The following EDIL3 variants were observed in gnomAD, a reference collection of about 807,000 sequenced individuals.
The protein encoded by EDIL3 is EGF like and discoidin domains 3, also known as EGF-like repeat and discoidin I-like domain-containing protein 3.
Under a neutral mutation model 67.4 loss-of-function variants are expected in EDIL3, and 37 were observed. The ratio of observed to expected loss-of-function variants is 0.55; its 90% CI spans 0.42 to 0.72. The LOEUF is 0.72. Among genes scored for constraint, EDIL3 ranks in the 30% least tolerant of loss-of-function variants. EDIL3 has a pLI of 0.00. For missense variants in EDIL3, 527 were observed against 586.3 expected (o/e 0.90, Z 1.04); for synonymous variants, 195 against 196.3 (o/e 0.99, Z 0.05).
chr5:84,147,183 T>C (rs1441872090), intron 4 of EDIL3, among the ~76,000 whole-genome samples: 1 of 152,166 alleles, frequency 6.6e-6, no homozygotes, highest in Non-Finnish European at 1.5e-5. Context: ...AAATTCTGTA[T>C]GTGATCTTCT....
intron 3 of EDIL3, among the ~76,000 whole-genome samples, chr5:84,182,823 T>G (rs1384779663): frequency 6.7e-6 from 1 of 149,828 alleles, no homozygotes; most frequent in Non-Finnish European, 1.5e-5. Flanking sequence ...TTTTTTTTTG[T>G]CAGCACCACA....
chr5:84,011,494 C>T (rs1467415675), intron 9 of EDIL3, among the ~76,000 whole-genome samples: 1 of 152,162 alleles, frequency 6.6e-6, no homozygotes, highest in East Asian at 1.9e-4. Flanking sequence ...TGCTTTCCTA[C>T]AGTCAATTCT....
chr5:84,132,323 T>A (rs1261213185), intron 5 of EDIL3, among the ~76,000 whole-genome samples: 8 of 91,804 alleles, frequency 8.7e-5, no homozygotes, highest in South Asian at 6.0e-4. Flanking sequence ...TATATATATT[T>A]TATATAATAT....
chr5:84,275,792 AGAGG>A (rs1745573349), intron 1 of EDIL3, among the ~76,000 whole-genome samples: 1 of 152,218 alleles, frequency 6.6e-6, no homozygotes, highest in Admixed American at 6.5e-5. Context: ...CTGAGTCCCT[AGAGG>A]GAGGAAGTGG....
chr5:84,125,020 G>C (rs1747842369), intron 5 of EDIL3, among the ~76,000 whole-genome samples: 2 of 151,740 alleles, frequency 1.3e-5, no homozygotes, highest in South Asian at 4.2e-4. Flanking sequence ...AATTTAAATT[G>C]ATCATTCATG....
intron 1 of EDIL3, among the ~76,000 whole-genome samples, chr5:84,376,311 G>A (rs1747967178): frequency 6.6e-6 from 1 of 152,124 alleles, no homozygotes; most frequent in Admixed American, 6.5e-5. Context: ...CTGACATGAT[G>A]GTGGTCCCTA....
chr5:84,051,594 C>T lies in EDIL3; in HGVS notation c.1137+8706G>A, dbSNP rs1008720991. 2.0e-5 allele frequency among the ~76,000 whole-genome samples: 3 copies of T among 152,072 alleles called. No homozygotes were observed. In the East Asian group the frequency reaches 5.8e-4, roughly 29 times the overall value. ...TAAACAAATGGCTAACTAGAATAAC[C>T]AATGCAAAGAAGTCCTTAAAGGACC... On this transcript the variant is annotated intron_variant, in intron 9 of 10. Coordinates refer to ENST00000296591, the MANE Select transcript of EDIL3 (RefSeq NM_005711.5).
intron 3 of EDIL3, among the ~76,000 whole-genome samples, chr5:84,200,355 C>T (rs927198227): frequency 1.3e-5 from 2 of 151,780 alleles, no homozygotes; most frequent in African/African-American, 4.8e-5. Context: ...AGAGTTTAAG[C>T]AATGAAGCAT....
intron 1 of EDIL3, among the ~76,000 whole-genome samples, chr5:84,290,537 AAG>A: frequency 6.6e-6 from 1 of 152,326 alleles, no homozygotes; most frequent in Admixed American, 6.5e-5. Context: ...GCAGGAAAAA[AAG>A]AGTCTGACCT....
chr5:84,110,519 T>A (rs1160521118), intron 5 of EDIL3, among the ~76,000 whole-genome samples: 1 of 152,154 alleles, frequency 6.6e-6, no homozygotes, highest in Non-Finnish European at 1.5e-5. Context: ...AGAAGATATA[T>A]GAAATGATAA....
At chr5:84,030,149 G>T (rs1334173780) in intron 9 of EDIL3, among the ~76,000 whole-genome samples, 1 of 152,154 alleles carries the variant, frequency 6.6e-6, no homozygotes, top group African/African-American at 2.4e-5. Context: ...CAGACAAAAA[G>T]ATAAATGCAG....
chr5:84,196,398 T>C (rs1435719186), intron 3 of EDIL3, among the ~76,000 whole-genome samples: 2 of 152,018 alleles, frequency 1.3e-5, no homozygotes, highest in Non-Finnish European at 2.9e-5. Context: ...TACTTAAAAT[T>C]GGGAACCACA....
intron 1 of EDIL3, among the ~76,000 whole-genome samples, chr5:84,264,003 G>C (rs1185896536): frequency 6.6e-6 from 1 of 152,198 alleles, no homozygotes; most frequent in African/African-American, 2.4e-5. Context: ...ACTTTGGGAA[G>C]CTGAGGCAGG....
In EDIL3 at chr5:84,360,269, G is replaced by A. The variant is rs1312210722; in HGVS notation, c.67+24039C>T. ...AGAGATTTTATGAGGTCAAAGAACAGGTATTGCAGCGGTCACTGAGTAATT... is the reference window on the plus strand; with the variant it reads ...AGAGATTTTATGAGGTCAAAGAACAAGTATTGCAGCGGTCACTGAGTAATT... On this transcript the variant is annotated intron_variant, in intron 1 of 10. Transcript: ENST00000296591. Among the ~76,000 whole-genome samples the A allele has an allele frequency of 2.6e-5, 4 of 152,152 alleles. No homozygotes were observed. The East Asian group carries it at 5.8e-4, about 22-fold the overall frequency.
intron 6 of EDIL3, among the ~76,000 whole-genome samples, chr5:84,082,805 T>C (rs924007215): frequency 9.8e-5 from 14 of 142,436 alleles, no homozygotes; most frequent in Non-Finnish European, 4.6e-5. Context: ...TAGTTGTTTC[T>C]CTTATTGAGT....
chr5:84,184,535 A>AT (rs1362966511), intron 3 of EDIL3, among the ~76,000 whole-genome samples: 1 of 152,208 alleles, frequency 6.6e-6, no homozygotes, highest in Non-Finnish European at 1.5e-5. Flanking sequence ...ATCTAGCTCT[A>AT]TAATAACAGC....
intron 6 of EDIL3, among the ~76,000 whole-genome samples, chr5:84,089,913 A>G (rs1230216717): frequency 1.3e-5 from 2 of 152,198 alleles, no homozygotes; most frequent in Non-Finnish European, 2.9e-5. Flanking sequence ...ACCATCTTTA[A>G]TAATTAAAAT....
intron 5 of EDIL3, among the ~76,000 whole-genome samples, chr5:84,118,574 A>G (rs1368433016): frequency 2.0e-5 from 3 of 152,152 alleles, no homozygotes; most frequent in Non-Finnish European, 4.4e-5. Flanking sequence ...TTGGTTAAGG[A>G]TATGAAGGCA....
chr5:84,185,917 A>G (rs969937435), intron 3 of EDIL3, among the ~76,000 whole-genome samples: 2 of 152,142 alleles, frequency 1.3e-5, no homozygotes, highest in Admixed American at 1.3e-4. Context: ...AACTACTTCT[A>G]TATAAATAAA....
Sources: allele counts gnomAD v4.1 joint callset (sites outside exome capture counted in the v4.1 genomes callset), GRCh38; gene constraint gnomAD v4.1.1; transcripts MANE v1.5; gene names NCBI Gene and HGNC (gene_info 2026-07-23, HGNC 2026-07-21).